The following CHMP5 variants were observed in gnomAD, a reference collection of about 807,000 sequenced individuals.
CHMP5 encodes the protein charged multivesicular body protein 5, also known as SNF7 domain containing 2.
In CHMP5, 17 loss-of-function variants were observed where a neutral mutation model predicts 33.0. That is an observed-to-expected ratio of 0.52 (90% confidence interval 0.35 to 0.77). CHMP5 has a LOEUF of 0.77. Among genes scored for constraint, CHMP5 ranks in the 30% least tolerant of loss-of-function variants. The pLI is 0.01. For missense variants in CHMP5, 216 were observed against 261.5 expected, an observed-to-expected ratio of 0.83 and a Z score of 1.20; for synonymous variants, 76 against 90.2, an observed-to-expected ratio of 0.84 and a Z score of 0.89.
At chr9:33,280,059 C>G (rs1036488444) in intron 7 of CHMP5, among the ~76,000 whole-genome samples, 1 of 151,920 alleles carries the variant, frequency 6.6e-6, no homozygotes, top group Admixed American at 6.6e-5. Flanking sequence ...CTCACTGCAA[C>G]CTCCACCCCC....
chr9:33,270,871 C>T (rs1443649663), intron 4 of CHMP5, among the ~76,000 whole-genome samples, 155 bp downstream of exon 4: 1 of 152,164 alleles, frequency 6.6e-6, no homozygotes, highest in Non-Finnish European at 1.5e-5. Context: ...CACCTGATGT[C>T]AGGAGTTTGA....
rs1820916385 is a variant in CHMP5 at position 33,281,056 on chromosome 9, TC to T, written c.*199del. 5 of 458,524 alleles carry T rather than the reference TC, an allele frequency of 1.1e-5. No homozygotes were observed. 28.4% of individuals were successfully genotyped at this position (458,524 alleles called of 1,614,324 possible). A position where few individuals can be genotyped will look rare whatever the true frequency, so the allele number is the denominator to read the frequency against. ...TGCTTTCTTCGTACTAAAATTTGAT[TC>T]CTTTTTTTCTTATGAAAAACGAACT... On this transcript the variant is annotated 3_prime_UTR_variant, in exon 8 of 8. Transcript: ENST00000223500.
intron 7 of CHMP5, among the ~76,000 whole-genome samples, chr9:33,279,071 C>T (rs558719246): frequency 2.6e-5 from 4 of 152,194 alleles, no homozygotes; most frequent in South Asian, 2.1e-4. Context: ...ATTACAGGTG[C>T]GCGCCAACAT....
At chr9:33,266,903 A>C (rs1298811770) in intron 2 of CHMP5, among the ~76,000 whole-genome samples, 1 of 152,220 alleles carries the variant, frequency 6.6e-6, no homozygotes, top group Admixed American at 6.5e-5. Context: ...AGGTAGAAAC[A>C]TAAAATACTG....
At chr9:33,272,393 C>CAAAAA (rs10710870) in intron 5 of CHMP5, among the ~76,000 whole-genome samples, 1 of 125,092 alleles carries the variant, frequency 8.0e-6, no homozygotes, top group African/African-American at 3.0e-5. Context: ...GGAGATAAAG[C>CAAAAA]AAAAAAAAAA....
At chr9:33,277,068 C>T (rs951419155) in intron 6 of CHMP5, among the ~76,000 whole-genome samples, 7 of 151,634 alleles carry the variant, frequency 4.6e-5, no homozygotes, top group African/African-American at 9.7e-5. Context: ...TGGTGGTGTG[C>T]GCCTGCGGTC....
Position 33,278,162 on chromosome 9 carries a change from T to C in CHMP5, c.546T>C (p.Tyr182=), listed in dbSNP as rs1422715235. The C allele has an allele frequency of 2.5e-6, 4 of 1,613,466 alleles. No individual in the cohort carries two copies. In the East Asian group the frequency reaches 6.7e-5, roughly 27 times the overall value. The stretch of plus-strand genomic sequence containing the variant: ...TTCTGGCTGATGAAGACAGTTCTTA[T>C]TTGGATGAGGCAGCATCTGCACCTG... ...DELLADEDSS[Y]LDEAASAPAI... is the part of the protein sequence containing the mutation. The change falls in exon 7 of 8, where the codon TAT becomes TAC. Residue 182 remains tyrosine, a synonymous_variant. Transcript: ENST00000223500.
chr9:33,268,898 A>AT (rs758150191), intron 3 of CHMP5, among the ~76,000 whole-genome samples: 30 of 152,296 alleles, frequency 2.0e-4, no homozygotes, highest in Non-Finnish European at 3.8e-4. Context: ...AAGAAATGAA[A>AT]TTGTAGTGTG....
At chr9:33,267,073 A>G (rs563983892) in intron 2 of CHMP5, among the ~76,000 whole-genome samples, 1 of 152,246 alleles carries the variant, frequency 6.6e-6, no homozygotes, top group South Asian at 2.1e-4. Context: ...GAGGTAATTG[A>G]TGTGACCTGT....
rs1820878823 is a variant in CHMP5, at chr9:33,278,217, A to G, written c.601A>G (p.Lys201Glu). ...AIPEGVPTDT[K>E]NKDGVLVDEF... ...TCCAGAAGGTGTTCCCACTGATACA[A>G]AAAACAAGGTGAAAGCTTTTTCTGT... is the stretch of plus-strand genomic sequence containing the variant. Residue 201 changes from lysine (K) to glutamate (E), a missense_variant, in exon 7 of 8, where the codon AAA (lysine) becomes GAA (glutamate). Physicochemically the swap from Lys to Glu is moderately conservative, Grantham distance 56. Coordinates refer to ENST00000223500, the MANE Select transcript of CHMP5 (RefSeq NM_016410.6). The G allele has an allele frequency of 2.5e-6, 4 of 1,597,598 alleles. No individual in the cohort carries two copies. Among genetic ancestry groups the G allele is most frequent in the Admixed American group, 1.7e-5 (1 of 59,496 alleles).
intron 5 of CHMP5, among the ~76,000 whole-genome samples, chr9:33,275,463 CACTTTTTGTACCACTTCAGTTG>C (rs1820842225): frequency 6.6e-6 from 1 of 152,172 alleles, no homozygotes; most frequent in South Asian, 2.1e-4. Context: ...ATGTACAACT[CACTTTTTGTACCACTTCAGTTG>C]TTTCTACTCT....
chr9:33,265,938 TCC>T, intron 1 of CHMP5, 70 bp from the exon 2 acceptor site: 1 of 954,364 alleles, frequency 1.0e-6, no homozygotes, highest in Admixed American at 1.9e-5. Context: ...CTGTATTCCT[TCC>T]TCTCTACCTG....
intron 3 of CHMP5, among the ~76,000 whole-genome samples, chr9:33,268,448 A>T (rs1400490336): frequency 6.6e-6 from 1 of 152,176 alleles, no homozygotes; most frequent in African/African-American, 2.4e-5. Flanking sequence ...TTTGGTGCCT[A>T]CCTCTGTAGA....
At chr9:33,273,264 T>G (rs1218295786) in intron 5 of CHMP5, among the ~76,000 whole-genome samples, 1 of 150,466 alleles carries the variant, frequency 6.6e-6, no homozygotes, top group Non-Finnish European at 1.5e-5. Flanking sequence ...GAGCCACCAC[T>G]CCCAGCCATT....
At chr9:33,266,233 G>T in intron 2 of CHMP5, 119 bp downstream of exon 2, 1 of 562,762 alleles carries the variant, frequency 1.8e-6, no homozygotes, top group South Asian at 1.9e-5. Context: ...AGCACTTTGG[G>T]AGGCTGAGGC....
Position 33,265,085 on chromosome 9 carries a change from C to A in CHMP5, c.7C>A (p.Arg3=), listed in dbSNP as rs770726636. 1.2e-6 allele frequency: 2 copies of A among 1,614,178 alleles called. No individual in the cohort carries two copies. The highest frequency in any genetic ancestry group is 1.7e-6 in the Non-Finnish European group (2 of 1,180,020). MN[R]LFGKAKPKAP... ...TTCTTCGCGGCTGCTCAAGATGAAC[C>A]GACTCTTCGGGAAAGCGAAACCCAA... is the stretch of plus-strand genomic sequence containing the variant. The change falls in exon 1 of 8, where the codon CGA becomes AGA. Residue 3 remains arginine, a synonymous_variant. Transcript: ENST00000223500.
chr9:33,278,255 G>C, intron 7 of CHMP5, 30 bp downstream of exon 7: 1 of 1,278,580 alleles, frequency 7.8e-7, no homozygotes, highest in Middle Eastern at 1.8e-4. Flanking sequence ...ATATTTCAAT[G>C]CAAAATAGCA....
At chr9:33,267,604 C>T (rs1820742299) in intron 2 of CHMP5, among the ~76,000 whole-genome samples, 1 of 152,024 alleles carries the variant, frequency 6.6e-6, no homozygotes, top group Non-Finnish European at 1.5e-5. Context: ...AGATAATATG[C>T]ATTAGGAAAA....
chr9:33,276,898 G>A (rs1820861447), intron 6 of CHMP5, among the ~76,000 whole-genome samples: 1 of 152,048 alleles, frequency 6.6e-6, no homozygotes, highest in Non-Finnish European at 1.5e-5. Flanking sequence ...CCTCAGAACA[G>A]CAAAACCAAT....
Sources: gnomAD v4.1 joint callset for allele counts (sites outside exome capture counted in the v4.1 genomes callset) on GRCh38, gnomAD v4.1.1 for gene constraint, MANE v1.5 for transcripts, NCBI Gene and HGNC (gene_info 2026-07-23, HGNC 2026-07-21) for gene names.